RBFOX1: variants seen among roughly 807,000 people sequenced by gnomAD.
RBFOX1 encodes the protein RNA binding fox-1 homolog 1, also known as RNA binding protein fox-1 homolog 1.
RBFOX1 carries 8 observed loss-of-function variants against 57.7 expected under a neutral mutation model. That is an observed-to-expected ratio of 0.14 (90% CI 0.08 to 0.25). The LOEUF (loss-of-function observed/expected upper bound fraction) is 0.25. Ranked by LOEUF, RBFOX1 falls within the 10% of genes least tolerant of loss-of-function variation. The probability of loss-of-function intolerance (pLI) is 1.00; values close to 1 mark genes in which losing one functional copy is unlikely to be tolerated. For missense variants in RBFOX1, 611 were observed against 548.5 expected, an observed-to-expected ratio of 1.11 and a Z score of -1.14; for synonymous variants, 326 against 222.4, an observed-to-expected ratio of 1.47 and a Z score of -4.15.
At chr16:5,688,492 T>C (rs981655430) in intron 3 of RBFOX1, among the ~76,000 whole-genome samples, 1 of 152,200 alleles carries the variant, frequency 6.6e-6, no homozygotes, top group African/African-American at 2.4e-5. Flanking sequence ...TTCCTATTTG[T>C]AAGAATACAG....
At chr16:6,188,539 C>T (rs1168335122) in intron 1 of RBFOX1, among the ~76,000 whole-genome samples, 1 of 151,922 alleles carries the variant, frequency 6.6e-6, no homozygotes, top group Admixed American at 6.6e-5. Context: ...AACCAGAAAC[C>T]TTCAGCTATG....
intron 1 of RBFOX1, among the ~76,000 whole-genome samples, chr16:6,139,605 C>T (rs1471913665): frequency 6.6e-6 from 1 of 152,170 alleles, no homozygotes; most frequent in Non-Finnish European, 1.5e-5. Flanking sequence ...AAAGTTATCC[C>T]CCAAATTGTC....
intron 4 of RBFOX1, among the ~76,000 whole-genome samples, chr16:7,423,654 G>A (rs1410449438): frequency 1.3e-5 from 2 of 152,160 alleles, no homozygotes; most frequent in African/African-American, 4.8e-5. Flanking sequence ...TTTATATGGT[G>A]CATGTGATTT....
chr16:7,086,116 T>C (rs1003920719), intron 4 of RBFOX1, among the ~76,000 whole-genome samples: 2 of 152,188 alleles, frequency 1.3e-5, no homozygotes, highest in African/African-American at 2.4e-5. Flanking sequence ...TTAGCCAGTA[T>C]GCATCTTGAT....
chr16:5,935,458 C>T (rs1399607423), intron 4 of RBFOX1, among the ~76,000 whole-genome samples: 1 of 152,054 alleles, frequency 6.6e-6, no homozygotes, highest in Non-Finnish European at 1.5e-5. Context: ...TGAATAATGG[C>T]AGAGAGGTCT....
intron 2 of RBFOX1, among the ~76,000 whole-genome samples, chr16:6,579,694 C>G (rs771675706): frequency 2.0e-5 from 3 of 152,130 alleles, no homozygotes; most frequent in Non-Finnish European, 4.4e-5. Context: ...TTTATAAACA[C>G]TAAGTCTCAG....
At chr16:6,569,272 A>C (rs1225186101) in intron 2 of RBFOX1, among the ~76,000 whole-genome samples, 2 of 152,194 alleles carry the variant, frequency 1.3e-5, no homozygotes, top group Non-Finnish European at 2.9e-5. Flanking sequence ...TCAAAACAAC[A>C]AACATTTCTT....
At chr16:6,306,878 A>G (rs914558656) in intron 1 of RBFOX1, among the ~76,000 whole-genome samples, 10 of 152,338 alleles carry the variant, frequency 6.6e-5, no homozygotes, top group Middle Eastern at 3.4e-3. Context: ...AGTGGTGGAA[A>G]CATGGAATTC....
intron 11 of RBFOX1, among the ~76,000 whole-genome samples, chr16:7,634,457 C>T (rs2061455509): frequency 6.6e-6 from 1 of 151,620 alleles, no homozygotes; most frequent in Non-Finnish European, 1.5e-5. Flanking sequence ...AAATAACATC[C>T]TTAAATGCAG....
chr16:7,119,629 A>G (rs1222232097), intron 4 of RBFOX1, among the ~76,000 whole-genome samples: 3 of 152,116 alleles, frequency 2.0e-5, no homozygotes, highest in Non-Finnish European at 4.4e-5. Flanking sequence ...TTATATAAGG[A>G]TAAGAGGGCC....
At chr16:5,280,376 G>C (rs2063241522) in intron 1 of RBFOX1, among the ~76,000 whole-genome samples, 1 of 152,154 alleles carries the variant, frequency 6.6e-6, no homozygotes. Context: ...TGTGTATTCG[G>C]AATATTGGCC....
At position 6,785,877 on chromosome 16, in the gene RBFOX1, C is replaced by T. The variant is rs528494722; in HGVS notation, c.-16+131227C>T. 4.9e-4 allele frequency among the ~76,000 whole-genome samples: 75 copies of T among 152,298 alleles called. 1 individual carries two copies. Among genetic ancestry groups the T allele is most frequent in the African/African-American group, 1.7e-3 (69 of 41,554 alleles). On this transcript the variant is annotated intron_variant, in intron 3 of 15. Coordinates refer to ENST00000550418, the MANE Select transcript of RBFOX1 (RefSeq NM_018723.4). Reference sequence around the variant, plus strand: ...CCATTAGACTCTAAAACTGATGCTGCTCCTCAGGCTCCGCTTAGCATTTAC... The same window carrying T: ...CCATTAGACTCTAAAACTGATGCTGTTCCTCAGGCTCCGCTTAGCATTTAC...
intron 2 of RBFOX1, among the ~76,000 whole-genome samples, chr16:6,646,150 G>A (rs2154078365): frequency 6.6e-6 from 1 of 152,248 alleles, no homozygotes; most frequent in East Asian, 1.9e-4. Flanking sequence ...TGGGGCTGAA[G>A]TACTTACTTG....
At chr16:6,826,815 T>C (rs2092206783) in intron 3 of RBFOX1, among the ~76,000 whole-genome samples, 1 of 152,176 alleles carries the variant, frequency 6.6e-6, no homozygotes, top group Non-Finnish European at 1.5e-5. Flanking sequence ...ATTTAAACAT[T>C]AATGTAAGAT....
At chr16:5,635,511 C>G (rs2048655480) in intron 3 of RBFOX1, among the ~76,000 whole-genome samples, 1 of 152,182 alleles carries the variant, frequency 6.6e-6, no homozygotes, top group Admixed American at 6.5e-5. Flanking sequence ...CTTTGAGTGA[C>G]AAATGTGTTG....
At chr16:6,129,238 C>T (rs372175580) in intron 1 of RBFOX1, among the ~76,000 whole-genome samples, 1 of 151,856 alleles carries the variant, frequency 6.6e-6, no homozygotes, top group Non-Finnish European at 1.5e-5. Context: ...GACTTTAAAA[C>T]CACAATTGTA....
intron 1 of RBFOX1, among the ~76,000 whole-genome samples, chr16:5,254,787 A>G (rs892171316): frequency 6.6e-6 from 1 of 152,222 alleles, no homozygotes; most frequent in African/African-American, 2.4e-5. Context: ...GTGGGCAGGC[A>G]GTCATTAGGA....
chr16:7,643,180 A>G (rs1465537943), intron 11 of RBFOX1, among the ~76,000 whole-genome samples: 1 of 152,200 alleles, frequency 6.6e-6, no homozygotes, highest in African/African-American at 2.4e-5. Flanking sequence ...TACATGATCA[A>G]AGAATATTCA....
chr16:6,169,107 G>A (rs966118432), intron 1 of RBFOX1, among the ~76,000 whole-genome samples: 1 of 152,122 alleles, frequency 6.6e-6, no homozygotes, highest in African/African-American at 2.4e-5. Context: ...TGGATAGAAG[G>A]GATGACTCCA....
Sources: gnomAD v4.1 joint callset for allele counts (sites outside exome capture counted in the v4.1 genomes callset) on GRCh38, gnomAD v4.1.1 for gene constraint, MANE v1.5 for transcripts, NCBI Gene and HGNC (gene_info 2026-07-23, HGNC 2026-07-21) for gene names.